The following ELMOD3 variants were observed in gnomAD, a reference collection of about 807,000 sequenced individuals.
ELMOD3 encodes ELMO domain-containing protein 3.
ELMOD3 carries 36 observed loss-of-function variants against 47.4 expected under a neutral mutation model. The observed-to-expected ratio is 0.76, with a 90% CI of 0.58 to 1.00. The LOEUF is 1.00. Ranked by LOEUF, ELMOD3 falls within the 50% of genes least tolerant of loss-of-function variation. The pLI is 0.00. For synonymous variants in ELMOD3, 149 were observed against 183.5 expected (o/e 0.81, Z 1.52); for missense variants, 404 against 463.8 (o/e 0.87, Z 1.18).
chr2:85,357,137 A>T lies in ELMOD3; in HGVS notation c.-62A>T. 1 of 1,203,840 alleles carries T rather than the reference A, an allele frequency of 8.3e-7. No individual in the cohort carries two copies. The highest frequency in any genetic ancestry group is 1.5e-5 in the African/African-American group (1 of 65,480). The allele number at this position is 1,203,840 out of a possible 1,614,324, so 74.6% of individuals were successfully genotyped here. On this transcript the variant is annotated 5_prime_UTR_variant, in exon 4 of 14. Transcript: ENST00000409013. Reference sequence around the variant, plus strand: ...CTCTCCACATAGCTTCTGATCTCAGACCTTACTAAAATGCTTTCTGGGCCC... The same window carrying T: ...CTCTCCACATAGCTTCTGATCTCAGTCCTTACTAAAATGCTTTCTGGGCCC...
At position 85,369,736 on chromosome 2, in the gene ELMOD3, C is replaced by T. The variant is rs1450558897; in HGVS notation, c.269-3C>T. On this transcript the variant is annotated splice_region_variant and splice_polypyrimidine_tract_variant and intron_variant, in intron 7 of 13. Transcript: ENST00000409013. ...TCCTGGCATGTCTTCCGTTTTGCCACAGGGAGCCAAGCTAGCTCAGAGCAG... is the reference window on the plus strand; with the variant it reads ...TCCTGGCATGTCTTCCGTTTTGCCATAGGGAGCCAAGCTAGCTCAGAGCAG... The T allele has an allele frequency of 6.2e-7, 1 of 1,613,166 alleles. No homozygotes were observed. The highest frequency in any genetic ancestry group is 2.2e-5 in the East Asian group (1 of 44,870).
Position 85,363,081 on chromosome 2 carries a change from T to G in ELMOD3, c.130-16T>G. 6.3e-7 allele frequency: 1 copy of G among 1,575,734 alleles called. No homozygotes were observed. The highest frequency in any genetic ancestry group is 8.7e-7 in the Non-Finnish European group (1 of 1,145,728). On this transcript the variant is annotated splice_polypyrimidine_tract_variant and intron_variant, in intron 5 of 13. Coordinates refer to ENST00000409013, the MANE Select transcript of ELMOD3 (RefSeq NM_001135022.2). ...GTGGATTCTATCCTCAAGCTAAAGG[T>G]CAGCTGCCTCTACAGATCTCAGAGT...
intron 8 of ELMOD3, among the ~76,000 whole-genome samples, chr2:85,370,381 T>C (rs1684706312): frequency 6.7e-6 from 1 of 148,868 alleles, no homozygotes; most frequent in Non-Finnish European, 1.5e-5. Context: ...CAGTAAGCTA[T>C]GATCACACCT....
intron 6 of ELMOD3, among the ~76,000 whole-genome samples, chr2:85,367,245 G>C (rs1203407219): frequency 6.6e-6 from 1 of 152,332 alleles, no homozygotes; most frequent in South Asian, 2.1e-4. Context: ...GGGTCTCACA[G>C]AGCAGTGGCC....
intron 11 of ELMOD3, among the ~76,000 whole-genome samples, chr2:85,382,980 G>T (rs1383895918): frequency 6.9e-6 from 1 of 144,174 alleles, no homozygotes; most frequent in Non-Finnish European, 1.5e-5. Flanking sequence ...TTCCCTGTTA[G>T]AAGTGAGCTC....
chr2:85,373,096 A>T (rs1684917034), intron 10 of ELMOD3, among the ~76,000 whole-genome samples: 1 of 151,468 alleles, frequency 6.6e-6, no homozygotes, highest in Non-Finnish European at 1.5e-5. Flanking sequence ...CTCTACTAAA[A>T]ATATATAAAT....
At position 85,391,144 on chromosome 2, in the gene ELMOD3, C is replaced by T. The variant is rs1189772812; in HGVS notation, c.*182C>T. On this transcript the variant is annotated 3_prime_UTR_variant, in exon 14 of 14. Coordinates refer to ENST00000409013, the MANE Select transcript of ELMOD3 (RefSeq NM_001135022.2). ...CACCGGCATGGGACATGAGGGGCAG[C>T]TAGACTTCACCCCCTTCCCGCAGAC... 2 of 615,648 alleles carry T rather than the reference C, an allele frequency of 3.2e-6. No individual in the cohort carries two copies. Among genetic ancestry groups the T allele is most frequent in the African/African-American group, 3.7e-5 (2 of 53,962 alleles). The allele number at this position is 615,648 out of a possible 1,614,324, so 38.1% of individuals were successfully genotyped here. A position where few individuals can be genotyped will look rare whatever the true frequency, so the allele number is the denominator to read the frequency against.
intron 8 of ELMOD3, among the ~76,000 whole-genome samples, chr2:85,370,417 C>T (rs1359060616): frequency 1.4e-5 from 2 of 139,816 alleles, no homozygotes; most frequent in South Asian, 2.4e-4. Context: ...ACCCTGTCTC[C>T]GTAAAAAAAA....
At chr2:85,368,100 CG>C (rs1405310355) in intron 6 of ELMOD3, among the ~76,000 whole-genome samples, 1 of 152,038 alleles carries the variant, frequency 6.6e-6, no homozygotes, top group African/African-American at 2.4e-5. Flanking sequence ...TTAGTAGAGA[CG>C]GGGTTTCACT....
At chr2:85,382,807 C>T (rs935324599) in intron 11 of ELMOD3, among the ~76,000 whole-genome samples, 6 of 152,080 alleles carry the variant, frequency 3.9e-5, no homozygotes, top group African/African-American at 7.2e-5. Flanking sequence ...TGAGCCACCG[C>T]GTCTGGCCAG....
intron 11 of ELMOD3, chr2:85,387,062 T>C (rs1685980890): frequency 7.7e-7 from 1 of 1,296,716 alleles, no homozygotes; most frequent in Non-Finnish European, 1.0e-6. Context: ...GTTAATAATG[T>C]TGTTACCATA....
intron 11 of ELMOD3, among the ~76,000 whole-genome samples, chr2:85,381,260 T>G (rs1270625359): frequency 6.6e-6 from 1 of 152,210 alleles, no homozygotes; most frequent in Non-Finnish European, 1.5e-5. Context: ...TATCAAAGGT[T>G]TAAAACTTGA....
At chr2:85,383,754 G>A (rs1685745584) in intron 11 of ELMOD3, among the ~76,000 whole-genome samples, 1 of 152,184 alleles carries the variant, frequency 6.6e-6, no homozygotes, top group Non-Finnish European at 1.5e-5. Flanking sequence ...TAGGAGATTT[G>A]TCAAAGGCCA....
chr2:85,382,796 G>A (rs867302859), intron 11 of ELMOD3, among the ~76,000 whole-genome samples: 1 of 152,072 alleles, frequency 6.6e-6, no homozygotes, highest in Non-Finnish European at 1.5e-5. Context: ...GATTACAGGC[G>A]TGAGCCACCG....
At chr2:85,366,715 A>G (rs1684412903) in intron 6 of ELMOD3, among the ~76,000 whole-genome samples, 1 of 152,230 alleles carries the variant, frequency 6.6e-6, no homozygotes, top group South Asian at 2.1e-4. Context: ...ACTATCCTCT[A>G]CTGCTTCCCA....
chr2:85,368,797 A>G (rs1355794850), intron 7 of ELMOD3, 43 bp downstream of exon 7: 16 of 1,603,026 alleles, frequency 1.0e-5, no homozygotes, highest in Admixed American at 1.7e-5. Context: ...CCCCTCTGCC[A>G]GCAAAGGCAC....
At chr2:85,372,325 G>A (rs1353392401) in intron 10 of ELMOD3, 1 of 152,106 alleles carries the variant, frequency 6.6e-6, no homozygotes, top group African/African-American at 2.4e-5. Context: ...AGGTGACAAA[G>A]GGAGACTGTC....
intron 4 of ELMOD3, among the ~76,000 whole-genome samples, chr2:85,361,298 C>G (rs1298258960): frequency 6.6e-6 from 1 of 152,194 alleles, no homozygotes; most frequent in East Asian, 1.9e-4. Context: ...ACTCAGAACC[C>G]TCAGACTTTC....
At chr2:85,361,146 G>T (rs1683923197) in intron 4 of ELMOD3, among the ~76,000 whole-genome samples, 1 of 152,162 alleles carries the variant, frequency 6.6e-6, no homozygotes, top group African/African-American at 2.4e-5. Context: ...AGAACACGTT[G>T]AAAAATTAGC....
Sources: gnomAD v4.1 joint callset for allele counts (sites outside exome capture counted in the v4.1 genomes callset) on GRCh38, gnomAD v4.1.1 for gene constraint, MANE v1.5 for transcripts, NCBI Gene and HGNC (gene_info 2026-07-23, HGNC 2026-07-21) for gene names.